The following VAPA variants were observed in gnomAD, a reference collection of about 807,000 sequenced individuals.
The protein encoded by VAPA is vesicle-associated membrane protein-associated protein A.
VAPA carries 6 observed loss-of-function variants against 25.6 expected under a neutral mutation model. The observed-to-expected ratio is 0.23, with a 90% CI of 0.13 to 0.46. The LOEUF is 0.46. VAPA is among the 20% of genes least tolerant of loss of function. VAPA has a pLI of 0.99. For synonymous variants in VAPA, 112 were observed against 106.2 expected, an observed-to-expected ratio of 1.05 and a Z score of -0.34; for missense variants, 244 against 302.1, an observed-to-expected ratio of 0.81 and a Z score of 1.43.
In VAPA at chr18:9,957,719, CAA is replaced by C. The variant is rs912737251; in HGVS notation, c.*3515_*3516del. The C allele has an allele frequency of 6.6e-6, 1 of 152,020 alleles. No homozygotes were observed. The highest frequency in any genetic ancestry group is 1.5e-5 in the Non-Finnish European group (1 of 67,980). The allele number at this position is 152,020 out of a possible 1,614,324, so 9.4% of individuals were successfully genotyped here. On this transcript the variant is annotated 3_prime_UTR_variant, in exon 6 of 6. Transcript: ENST00000400000. ...AAGTGTCCTTTTCCTTTTCACAATA[CAA>C]AAAAAATTTCAACAGATTGTGTGGT...
At chr18:9,951,980 A>T (rs2069494770) in intron 5 of VAPA, among the ~76,000 whole-genome samples, 3 of 152,136 alleles carry the variant, frequency 2.0e-5, no homozygotes, top group Non-Finnish European at 2.9e-5. Context: ...CTTTTAAAGG[A>T]TGTTGTTGGT....
chr18:9,924,350 C>T (rs542049808), intron 1 of VAPA, among the ~76,000 whole-genome samples: 1 of 152,162 alleles, frequency 6.6e-6, no homozygotes, highest in Non-Finnish European at 1.5e-5. Flanking sequence ...ACTAATTTCA[C>T]GTTCATTCTT....
At chr18:9,929,796 A>G (rs1237153137) in intron 1 of VAPA, among the ~76,000 whole-genome samples, 1 of 152,156 alleles carries the variant, frequency 6.6e-6, no homozygotes, top group Non-Finnish European at 1.5e-5. Flanking sequence ...AGAAAATCTC[A>G]AATTCAGTAG....
At chr18:9,929,430 A>T (rs29200) in intron 1 of VAPA, among the ~76,000 whole-genome samples, 7,724 of 152,222 alleles carry the variant, frequency 0.051, 259 homozygotes, top group South Asian at 0.14. Flanking sequence ...CCTTTTAATC[A>T]GCAGCTCCTG....
At chr18:9,929,780 T>C (rs1175873543) in intron 1 of VAPA, among the ~76,000 whole-genome samples, 1 of 152,182 alleles carries the variant, frequency 6.6e-6, no homozygotes, top group East Asian at 1.9e-4. Flanking sequence ...AGGGATACAA[T>C]GGAGCAGAAA....
intron 2 of VAPA, among the ~76,000 whole-genome samples, chr18:9,933,733 T>A (rs2069279986): frequency 6.6e-6 from 1 of 152,182 alleles, no homozygotes; most frequent in African/African-American, 2.4e-5. Context: ...AGGCAGGGTT[T>A]CACCATGTTG....
At chr18:9,930,096 T>C (rs181689861) in intron 1 of VAPA, among the ~76,000 whole-genome samples, 1 of 152,224 alleles carries the variant, frequency 6.6e-6, no homozygotes, top group African/African-American at 2.4e-5. Flanking sequence ...AAAAAATTAT[T>C]TTACCTTAGT....
At chr18:9,945,147 A>T in intron 4 of VAPA, 1 of 1,445,938 alleles carries the variant, frequency 6.9e-7, no homozygotes, top group South Asian at 1.3e-5. Flanking sequence ...TGGTATTGTG[A>T]GTATGTTGTA....
chr18:9,946,613 CA>C (rs1229726916), intron 4 of VAPA, among the ~76,000 whole-genome samples: 1 of 151,678 alleles, frequency 6.6e-6, no homozygotes, highest in East Asian at 1.9e-4. Context: ...AAAGGCGCAG[CA>C]AAAATATGGC....
chr18:9,937,485 G>A (rs189326917), intron 4 of VAPA, among the ~76,000 whole-genome samples: 42 of 152,078 alleles, frequency 2.8e-4, no homozygotes, highest in Non-Finnish European at 4.7e-4. Context: ...TTATTCCTAG[G>A]TATTTTGCTC....
At position 9,914,233 on chromosome 18, in the gene VAPA, C is replaced by T. The variant is rs768880829; in HGVS notation, c.-24C>T. ...TCAGCAAACCGCCGCCGCGGGCGCG[C>T]CCCCGCTCTGCGCTGTCTCTCCGAT... is the stretch of plus-strand genomic sequence containing the variant. On this transcript the variant is annotated 5_prime_UTR_variant, in exon 1 of 6. Coordinates refer to ENST00000400000, the MANE Select transcript of VAPA (RefSeq NM_194434.3). 48 of 1,568,536 alleles carry T rather than the reference C, an allele frequency of 3.1e-5. No individual in the cohort carries two copies. The African/African-American group carries it at 4.0e-4, about 13-fold the overall frequency.
intron 1 of VAPA, chr18:9,914,599 GCGCCGC>G (rs1019494805): frequency 5.7e-5 from 9 of 158,320 alleles, no homozygotes; most frequent in Non-Finnish European, 8.2e-5. Flanking sequence ...CCCGGCCCTG[GCGCCGC>G]CGCCGCCGCC....
intron 1 of VAPA, 71 bp downstream of exon 1, chr18:9,914,406 G>T: frequency 7.1e-7 from 1 of 1,410,550 alleles, no homozygotes; most frequent in South Asian, 1.4e-5. Context: ...GGGGGGCGCG[G>T]AGGGCACGTC....
chr18:9,936,242 G>A, intron 3 of VAPA, 29 bp downstream of exon 3: 3 of 1,479,422 alleles, frequency 2.0e-6, no homozygotes, highest in Non-Finnish European at 1.8e-6. Flanking sequence ...TTTGTTTTGG[G>A]AAGTGGAGTT....
At chr18:9,944,535 T>C (rs2069401267) in intron 4 of VAPA, among the ~76,000 whole-genome samples, 2 of 152,166 alleles carry the variant, frequency 1.3e-5, no homozygotes, top group South Asian at 4.1e-4. Flanking sequence ...TTGAGTGTTA[T>C]CAAAGATAAG....
At chr18:9,946,990 A>G (rs2069431522) in intron 4 of VAPA, among the ~76,000 whole-genome samples, 1 of 152,198 alleles carries the variant, frequency 6.6e-6, no homozygotes, top group Non-Finnish European at 1.5e-5. Flanking sequence ...TAGCACACAC[A>G]TTAGTCTAGG....
intron 5 of VAPA, chr18:9,950,802 A>G (rs904747956): frequency 2.2e-6 from 1 of 446,814 alleles, no homozygotes; most frequent in Non-Finnish European, 4.0e-6. Flanking sequence ...TCTGGCCTGC[A>G]GTATTGCCAG....
At chr18:9,946,333 A>G (rs979131561) in intron 4 of VAPA, among the ~76,000 whole-genome samples, 3 of 152,174 alleles carry the variant, frequency 2.0e-5, no homozygotes, top group East Asian at 3.9e-4. Flanking sequence ...CTACAATGGT[A>G]AGTATTTGTG....
At chr18:9,950,881 T>C in intron 5 of VAPA, 1 of 280,442 alleles carries the variant, frequency 3.6e-6, no homozygotes, top group Non-Finnish European at 6.8e-6. Context: ...TAGGATTGTG[T>C]TGTCCCACAT....
Sources: gnomAD v4.1 joint callset for allele counts (sites outside exome capture counted in the v4.1 genomes callset) on GRCh38, gnomAD v4.1.1 for gene constraint, MANE v1.5 for transcripts, NCBI Gene and HGNC (gene_info 2026-07-23, HGNC 2026-07-21) for gene names.